The following OPN3 variants were observed in gnomAD, a reference collection of about 807,000 sequenced individuals.
OPN3 encodes opsin-3.
A neutral mutation model predicts 33.8 loss-of-function variants in OPN3; 29 were observed. The observed-to-expected ratio is 0.86, with a 90% confidence interval of 0.64 to 1.17. The LOEUF (loss-of-function observed/expected upper bound fraction) is 1.17, where lower values mean the gene tolerates loss of function less well. OPN3 is among the 50% of genes most tolerant of loss of function. The pLI, the probability that OPN3 is intolerant of heterozygous loss-of-function variation, is 0.00. For missense variants in OPN3, 437 were observed against 514.1 expected, an observed-to-expected ratio of 0.85 and a Z score of 1.45; for synonymous variants, 216 against 216.1, an observed-to-expected ratio of 1.00 and a Z score of 0.00.
At position 241,593,360 on chromosome 1, in the gene OPN3, A is replaced by ACAGG. The variant is rs1184095038; in HGVS notation, c.*1064_*1067dup. The ACAGG allele has an allele frequency of 2.3e-6, 1 of 438,380 alleles. No individual in the cohort carries two copies. The highest frequency in any genetic ancestry group is 2.4e-5 in the Admixed American group (1 of 42,426). 27.2% of individuals were successfully genotyped at this position (438,380 alleles called of 1,614,324 possible). A position where few individuals can be genotyped will look rare whatever the true frequency, so the allele number is the denominator to read the frequency against. On this transcript the variant is annotated 3_prime_UTR_variant, in exon 4 of 4. Coordinates refer to ENST00000366554, the MANE Select transcript of OPN3 (RefSeq NM_014322.3). ...GTTTTCTTTGGTTCATCCTTCTTTA[A>ACAGG]CAGGCTGCTGAGTCACTCAGAAATC...
At chr1:241,602,023 G>A (rs1227951306) in intron 2 of OPN3, among the ~76,000 whole-genome samples, 1 of 152,206 alleles carries the variant, frequency 6.6e-6, no homozygotes, top group East Asian at 1.9e-4. Context: ...ATCTGTTAGA[G>A]GCTGGAAGAA....
At position 241,614,330 on chromosome 1, in the gene OPN3, G is replaced by A. The variant is rs149452047; in HGVS notation, c.374-9751C>T. On this transcript the variant is annotated intron_variant, in intron 1 of 3. Coordinates refer to ENST00000366554, the MANE Select transcript of OPN3 (RefSeq NM_014322.3). Reference sequence around the variant, plus strand: ...TACCAGAAGAGAACGATTGAATGAGGCAGGCCACATGCTGTGGTCTGTGGC... The same window carrying A: ...TACCAGAAGAGAACGATTGAATGAGACAGGCCACATGCTGTGGTCTGTGGC... 1.6e-3 allele frequency among the ~76,000 whole-genome samples: 243 copies of A among 148,786 alleles called. 1 individual carries two copies. The highest frequency in any genetic ancestry group is 4.3e-3 in the Admixed American group (65 of 15,154).
In OPN3 at chr1:241,640,067, A is replaced by T; in HGVS notation, c.188T>A (p.Leu63His). 6.2e-7 allele frequency: 1 copy of T among 1,611,680 alleles called. No homozygotes were observed. Residue 63 changes from leucine to histidine, a missense_variant, in exon 1 of 4, where the codon CTC becomes CAC. Coordinates refer to ENST00000366554, the MANE Select transcript of OPN3 (RefSeq NM_014322.3). Reference protein sequence around the residue: ...LLGVGNNLLVLVLYYKFQRLR... With the variant: ...LLGVGNNLLVHVLYYKFQRLR... ...CCGCTGGAACTTGTAGTAGAGGACGAGCACCAGCAGGTTGTTGCCGACGCC... is the reference window on the plus strand; with the variant it reads ...CCGCTGGAACTTGTAGTAGAGGACGTGCACCAGCAGGTTGTTGCCGACGCC...
chr1:241,605,874 C>T (rs1663816669), intron 1 of OPN3, among the ~76,000 whole-genome samples: 1 of 152,218 alleles, frequency 6.6e-6, no homozygotes, highest in Non-Finnish European at 1.5e-5. Context: ...AGGCTTTTAA[C>T]TTCTAGCTAA....
chr1:241,620,981 A>C (rs111556047), intron 1 of OPN3, among the ~76,000 whole-genome samples: 1,595 of 152,274 alleles, frequency 0.01, 22 homozygotes, highest in African/African-American at 0.036. Flanking sequence ...AAAGGGAAAA[A>C]TGTGTAAATA....
rs1388528964 is a variant in OPN3, at chr1:241,640,154, G to C, written c.101C>G (p.Pro34Arg). The C allele has an allele frequency of 6.6e-7, 1 of 1,525,682 alleles. No individual in the cohort carries two copies. Among genetic ancestry groups the C allele is most frequent in the African/African-American group, 1.4e-5 (1 of 69,978 alleles). 94.5% of individuals were successfully genotyped at this position (1,525,682 alleles called of 1,614,324 possible). A position where few individuals can be genotyped will look rare whatever the true frequency, so the allele number is the denominator to read the frequency against. ...PAPAGTLSPA[P>R]LFSPGTYERL... ...CTCGTAGGTGCCGGGGCTGAAGAGG[G>C]GCGCGGGGCTCAGTGTCCCCGCCGG... is the stretch of plus-strand genomic sequence containing the variant. The change falls in exon 1 of 4, where the codon CCC (proline) becomes CGC (arginine). Residue 34 changes from proline to arginine, a missense_variant. By Grantham distance (103) the Pro-to-Arg change is moderately radical (BLOSUM62 -2). Coordinates refer to ENST00000366554, the MANE Select transcript of OPN3 (RefSeq NM_014322.3).
chr1:241,593,488 A>C lies in OPN3; in HGVS notation c.*940T>G. 1 of 315,188 alleles carries C rather than the reference A, an allele frequency of 3.2e-6. No individual in the cohort carries two copies. Among genetic ancestry groups the C allele is most frequent in the Non-Finnish European group, 7.4e-6 (1 of 135,454 alleles). 19.5% of individuals were successfully genotyped at this position (315,188 alleles called of 1,614,324 possible). On this transcript the variant is annotated 3_prime_UTR_variant, in exon 4 of 4. Coordinates refer to ENST00000366554, the MANE Select transcript of OPN3 (RefSeq NM_014322.3). ...TTCAGTGTTTCTTTTCTATATTGTC[A>C]ATGAAAACCTTGAGTTCTAATAATC...
chr1:241,611,201 T>A (rs1426243909), intron 1 of OPN3, among the ~76,000 whole-genome samples: 1 of 152,156 alleles, frequency 6.6e-6, no homozygotes. Flanking sequence ...GATGGCCACA[T>A]TGAATAGCTT....
At chr1:241,598,117 A>G (rs1371735309) in intron 2 of OPN3, 120 bp from the exon 3 acceptor site, 8 of 1,142,754 alleles carry the variant, frequency 7.0e-6, no homozygotes, top group African/African-American at 3.1e-5. Context: ...AGAGAACTGA[A>G]TGGCACCTTG....
chr1:241,624,640 T>C (rs1219965899), intron 1 of OPN3, among the ~76,000 whole-genome samples: 1 of 152,216 alleles, frequency 6.6e-6, no homozygotes, highest in Non-Finnish European at 1.5e-5. Context: ...ATTTCTCATC[T>C]ACATATGGAA....
At chr1:241,600,668 G>A (rs997549711) in intron 2 of OPN3, 7 of 152,114 alleles carry the variant, frequency 4.6e-5, no homozygotes, top group Admixed American at 3.3e-4. Context: ...ATAAGGAAAC[G>A]GAGGCAAATT....
At chr1:241,635,129 A>G in intron 1 of OPN3, 3 of 1,612,774 alleles carry the variant, frequency 1.9e-6, no homozygotes, top group Non-Finnish European at 2.5e-6. Flanking sequence ...CCTATTTCTA[A>G]TTGGTTCATC....
chr1:241,630,910 T>A (rs1202242883), intron 1 of OPN3: 1 of 152,102 alleles, frequency 6.6e-6, no homozygotes, highest in Non-Finnish European at 1.5e-5. Context: ...TAGTAAATTA[T>A]TTGTTGCTGT....
intron 1 of OPN3, among the ~76,000 whole-genome samples, chr1:241,617,880 G>A (rs191010670): frequency 3.7e-4 from 56 of 152,266 alleles, no homozygotes; most frequent in South Asian, 3.5e-3. Context: ...AGGTGGAGGC[G>A]TTGGAGTATA....
chr1:241,637,919 C>T (rs1006552832), intron 1 of OPN3, among the ~76,000 whole-genome samples: 1 of 152,186 alleles, frequency 6.6e-6, no homozygotes, highest in Admixed American at 6.5e-5. Context: ...TCCTCCCCTT[C>T]AATACTCCAC....
At chr1:241,615,500 T>C (rs113993428) in intron 1 of OPN3, among the ~76,000 whole-genome samples, 1,606 of 152,234 alleles carry the variant, frequency 0.011, 22 homozygotes, top group African/African-American at 0.036. Context: ...CTATCTCGTA[T>C]TTGCTTTTAA....
chr1:241,624,852 C>T (rs533105302), intron 1 of OPN3, among the ~76,000 whole-genome samples: 114 of 150,940 alleles, frequency 7.6e-4, no homozygotes, highest in Admixed American at 1.5e-3. Context: ...TTGAAGCCCA[C>T]TTCTACCACT....
chr1:241,602,625 CAGAA>C (rs1162081338), intron 2 of OPN3, among the ~76,000 whole-genome samples: 1 of 151,772 alleles, frequency 6.6e-6, no homozygotes, highest in African/African-American at 2.4e-5. Flanking sequence ...CGTGGGAAGA[CAGAA>C]AGAGAGACAG....
In OPN3 at chr1:241,593,485, G is replaced by GTGAAAT; in HGVS notation, c.*942_*943insATTTCA. 3.1e-6 allele frequency: 1 copy of GTGAAAT among 318,820 alleles called. No homozygotes were observed. The highest frequency in any genetic ancestry group is 3.0e-5 in the Admixed American group (1 of 32,974). The allele number at this position is 318,820 out of a possible 1,614,324, so 19.7% of individuals were successfully genotyped here. A position where few individuals can be genotyped will look rare whatever the true frequency, so the allele number is the denominator to read the frequency against. On this transcript the variant is annotated 3_prime_UTR_variant, in exon 4 of 4. Coordinates refer to ENST00000366554, the MANE Select transcript of OPN3 (RefSeq NM_014322.3). ...TGATTCAGTGTTTCTTTTCTATATT[G>GTGAAAT]TCAATGAAAACCTTGAGTTCTAATA...
Sources: gnomAD v4.1 joint callset for allele counts (sites outside exome capture counted in the v4.1 genomes callset) on GRCh38, gnomAD v4.1.1 for gene constraint, MANE v1.5 for transcripts, NCBI Gene and HGNC (gene_info 2026-07-23, HGNC 2026-07-21) for gene names.